Variants in DNAJC24 observed in about 807,000 individuals in gnomAD.
DNAJC24 encodes dnaJ homolog subfamily C member 24.
Under a neutral mutation model 18.0 loss-of-function variants are expected in DNAJC24, and 17 were observed. The ratio of observed to expected loss-of-function variants is 0.94; its 90% CI spans 0.65 to 1.42. The LOEUF (loss-of-function observed/expected upper bound fraction) is 1.42. Among genes scored for constraint, DNAJC24 ranks in the 40% most tolerant of loss-of-function variants. The pLI, the probability that DNAJC24 is intolerant of heterozygous loss-of-function variation, is 0.00. For missense variants in DNAJC24, 158 were observed against 175.6 expected, an observed-to-expected ratio of 0.90 and a Z score of 0.57; for synonymous variants, 55 against 57.7, an observed-to-expected ratio of 0.95 and a Z score of 0.21.
At chr11:31,391,027 C>T (rs548190249) in intron 2 of DNAJC24, among the ~76,000 whole-genome samples, 1 of 152,048 alleles carries the variant, frequency 6.6e-6, no homozygotes, top group Non-Finnish European at 1.5e-5. Context: ...ATTTATCCCT[C>T]GGATGCAAGG....
intron 2 of DNAJC24, among the ~76,000 whole-genome samples, chr11:31,391,036 G>A (rs1952490208): frequency 6.6e-6 from 1 of 152,068 alleles, no homozygotes; most frequent in Non-Finnish European, 1.5e-5. Flanking sequence ...TCGGATGCAA[G>A]GATGGTTCAG....
intron 4 of DNAJC24, chr11:31,426,808 A>AT (rs34295574): frequency 0.015 from 2,047 of 132,646 alleles, 24 homozygotes; most frequent in East Asian, 0.033. Context: ...AAGAGGCTTG[A>AT]TTTTTTTTTT....
At position 31,430,712 on chromosome 11, in the gene DNAJC24, T is replaced by G. The variant is rs1952914163; in HGVS notation, c.*311T>G. On this transcript the variant is annotated 3_prime_UTR_variant, in exon 5 of 5. Coordinates refer to ENST00000465995, the MANE Select transcript of DNAJC24 (RefSeq NM_181706.5). ...AGAATTTTCTTAATATGAGCATGTC[T>G]CCTCTTTTCAGTGGGTAACAGTATC... 6.3e-6 allele frequency: 1 copy of G among 157,628 alleles called. No individual in the cohort carries two copies. The highest frequency in any genetic ancestry group is 1.4e-5 in the Non-Finnish European group (1 of 71,586). 9.8% of individuals were successfully genotyped at this position (157,628 alleles called of 1,614,324 possible). A position where few individuals can be genotyped will look rare whatever the true frequency, so the allele number is the denominator to read the frequency against.
intron 2 of DNAJC24, among the ~76,000 whole-genome samples, chr11:31,393,776 A>T (rs1464344661): frequency 1.3e-5 from 2 of 152,172 alleles, no homozygotes; most frequent in Non-Finnish European, 2.9e-5. Context: ...AGCATAAAGT[A>T]GACTAAGACA....
chr11:31,394,532 A>G (rs534985842), intron 2 of DNAJC24, among the ~76,000 whole-genome samples: 3 of 152,064 alleles, frequency 2.0e-5, no homozygotes, highest in Non-Finnish European at 2.9e-5. Flanking sequence ...TTTTTTTTTC[A>G]TAATGCAGAT....
chr11:31,388,717 T>C (rs202048516), intron 2 of DNAJC24, among the ~76,000 whole-genome samples: 1 of 152,148 alleles, frequency 6.6e-6, no homozygotes, highest in East Asian at 1.9e-4. Context: ...GAAAAACTCA[T>C]AACACTGTAG....
rs1388855071 is a variant in DNAJC24 at position 31,372,731 on chromosome 11, A to G, written c.111+1872A>G. Among the ~76,000 whole-genome samples, 4 of 135,970 alleles carry G rather than the reference A, an allele frequency of 2.9e-5. 1 individual carries two copies. Among genetic ancestry groups the G allele is most frequent in the Non-Finnish European group, 5.1e-5 (3 of 58,780 alleles). 89.2% of individuals were successfully genotyped at this position (135,970 alleles called of 152,430 possible). ...TTCTGGTTGCTCTACAGCTTTGCCA[A>G]TATTTGATGTTATTGGTCTCTTTCA... On this transcript the variant is annotated intron_variant, in intron 2 of 4. Transcript: ENST00000465995.
chr11:31,428,609 T>C (rs545721606), intron 4 of DNAJC24, among the ~76,000 whole-genome samples: 2 of 152,214 alleles, frequency 1.3e-5, no homozygotes, highest in South Asian at 2.1e-4. Context: ...CATAGCCAAA[T>C]TGTTGGTTGC....
intron 2 of DNAJC24, among the ~76,000 whole-genome samples, chr11:31,405,379 T>TA (rs1268479236): frequency 1.3e-5 from 2 of 151,608 alleles, no homozygotes; most frequent in Non-Finnish European, 2.9e-5. Context: ...CAGGAATTTT[T>TA]TTTTTTTTTT....
At chr11:31,406,083 A>G (rs988329001) in intron 2 of DNAJC24, among the ~76,000 whole-genome samples, 9 of 152,276 alleles carry the variant, frequency 5.9e-5, no homozygotes, top group Admixed American at 5.2e-4. Flanking sequence ...CGTTCAAATC[A>G]TAGCAGCTAC....
chr11:31,397,865 C>T (rs1006316147), intron 2 of DNAJC24, among the ~76,000 whole-genome samples: 2 of 150,364 alleles, frequency 1.3e-5, no homozygotes, highest in African/African-American at 4.9e-5. Flanking sequence ...CAGGCTGGTG[C>T]GATCTCAGCT....
At chr11:31,396,699 T>C (rs555145938) in intron 2 of DNAJC24, among the ~76,000 whole-genome samples, 1 of 152,298 alleles carries the variant, frequency 6.6e-6, no homozygotes, top group African/African-American at 2.4e-5. Flanking sequence ...TAGAATGTTT[T>C]TGTCTTTGAA....
chr11:31,399,414 C>CTTTTTT (rs568328386), intron 2 of DNAJC24, among the ~76,000 whole-genome samples: 1 of 138,452 alleles, frequency 7.2e-6, no homozygotes, highest in Admixed American at 7.3e-5. Context: ...TCTTAATTCT[C>CTTTTTT]TTTTTTTTTT....
chr11:31,409,467 T>G (rs934381217), intron 2 of DNAJC24, among the ~76,000 whole-genome samples: 2 of 152,226 alleles, frequency 1.3e-5, no homozygotes, highest in Admixed American at 1.3e-4. Context: ...TAAATGTACC[T>G]AAATTGGGAT....
At chr11:31,371,247 T>C (rs1160837186) in intron 2 of DNAJC24, among the ~76,000 whole-genome samples, 2 of 152,254 alleles carry the variant, frequency 1.3e-5, no homozygotes, top group African/African-American at 4.8e-5. Context: ...GAAGTGTGGC[T>C]AGCCTGACTT....
At chr11:31,418,193 G>T (rs1400954429) in intron 3 of DNAJC24, among the ~76,000 whole-genome samples, 3 of 152,070 alleles carry the variant, frequency 2.0e-5, no homozygotes, top group Non-Finnish European at 4.4e-5. Context: ...TGCTTCCAGT[G>T]TTCCCCTGAA....
chr11:31,429,628 T>G (rs1473841770), intron 4 of DNAJC24: 1 of 253,644 alleles, frequency 3.9e-6, no homozygotes, highest in Non-Finnish European at 8.7e-6. Flanking sequence ...TATTGCCTCC[T>G]TTGGGCATCT....
chr11:31,422,208 G>A (rs1952812921), intron 3 of DNAJC24: 2 of 178,858 alleles, frequency 1.1e-5, no homozygotes, highest in South Asian at 2.2e-4. Flanking sequence ...ACTTCTTTAT[G>A]TAAATAGATT....
At chr11:31,405,401 C>T (rs1229033376) in intron 2 of DNAJC24, among the ~76,000 whole-genome samples, 3 of 145,512 alleles carry the variant, frequency 2.1e-5, no homozygotes, top group South Asian at 4.3e-4. Context: ...TTTAAGGATT[C>T]GGCCTTGACC....
Sources: gnomAD v4.1 joint callset for allele counts (sites outside exome capture counted in the v4.1 genomes callset) on GRCh38, gnomAD v4.1.1 for gene constraint, MANE v1.5 for transcripts, NCBI Gene and HGNC (gene_info 2026-07-23, HGNC 2026-07-21) for gene names.